RPS6KC1: variants seen among roughly 807,000 people sequenced by gnomAD.
The protein encoded by RPS6KC1 is ribosomal protein S6 kinase C1.
RPS6KC1 carries 54 observed loss-of-function variants against 103.8 expected under a neutral mutation model. The observed-to-expected ratio is 0.52, with a 90% CI of 0.42 to 0.65. The LOEUF is 0.65. RPS6KC1 is among the 30% of genes least tolerant of loss of function. The pLI is 0.00. For missense variants in RPS6KC1, 1,151 were observed against 1,253.8 expected (o/e 0.92, Z 1.24); for synonymous variants, 439 against 438.7 (o/e 1.00, Z -0.01).
chr1:213,592,905 G>C, the RPS6KC1 span, among the ~76,000 whole-genome samples: 1 of 152,176 alleles, frequency 6.6e-6, no homozygotes, highest in Non-Finnish European at 1.5e-5. Flanking sequence ...GATCAACAAA[G>C]TTGTAATAAC....
chr1:213,077,341 A>G (rs1375815963), intron 2 of RPS6KC1, among the ~76,000 whole-genome samples: 1 of 152,210 alleles, frequency 6.6e-6, no homozygotes, highest in Non-Finnish European at 1.5e-5. Context: ...GACATTTTAT[A>G]TAGTATAAAT....
At chr1:213,668,387 C>A in the RPS6KC1 span, among the ~76,000 whole-genome samples, 1 of 132,510 alleles carries the variant, frequency 7.5e-6, no homozygotes, top group Non-Finnish European at 1.7e-5. Flanking sequence ...TCTGAAAGAA[C>A]CTTCCCCCCG....
chr1:213,699,760 TTTG>T, the RPS6KC1 span, among the ~76,000 whole-genome samples: 32 of 152,166 alleles, frequency 2.1e-4, no homozygotes, highest in African/African-American at 7.7e-4. Context: ...TGAGGTGACA[TTTG>T]TTGTAGTTTT....
intron 1 of RPS6KC1, among the ~76,000 whole-genome samples, chr1:213,053,134 T>A (rs1337178996): frequency 6.6e-6 from 1 of 152,142 alleles, no homozygotes; most frequent in Non-Finnish European, 1.5e-5. Flanking sequence ...TCTTGAAACC[T>A]TTCTAGTCAT....
chr1:213,391,824 T>G, the RPS6KC1 span, among the ~76,000 whole-genome samples: 1 of 152,204 alleles, frequency 6.6e-6, no homozygotes, highest in Non-Finnish European at 1.5e-5. Context: ...TCTTTTATCT[T>G]CATTTCTGCT....
At chr1:213,334,920 AGGT>A in the RPS6KC1 span, among the ~76,000 whole-genome samples, 1 of 152,120 alleles carries the variant, frequency 6.6e-6, no homozygotes. Flanking sequence ...TGCACACTGA[AGGT>A]GTTGGATGGA....
At chr1:213,575,323 T>C in the RPS6KC1 span, among the ~76,000 whole-genome samples, 1 of 152,194 alleles carries the variant, frequency 6.6e-6, no homozygotes, top group Non-Finnish European at 1.5e-5. Context: ...GTCCTTGGCA[T>C]CCACCAGGAT....
chr1:213,164,464 C>G (rs2090769885), intron 6 of RPS6KC1, among the ~76,000 whole-genome samples: 1 of 152,248 alleles, frequency 6.6e-6, no homozygotes, highest in East Asian at 1.9e-4. Flanking sequence ...TGAAGAAACA[C>G]AGGTTGTCAC....
chr1:213,497,157 A>T, the RPS6KC1 span, among the ~76,000 whole-genome samples: 1 of 152,246 alleles, frequency 6.6e-6, no homozygotes, highest in African/African-American at 2.4e-5. Context: ...TCATCAAACC[A>T]TAAACATATA....
chr1:213,643,051 A>G, the RPS6KC1 span, among the ~76,000 whole-genome samples: 1 of 151,896 alleles, frequency 6.6e-6, no homozygotes, highest in Non-Finnish European at 1.5e-5. Flanking sequence ...TTTCAAAAAT[A>G]TATTATTTTA....
At chr1:213,802,738 G>A in the RPS6KC1 span, among the ~76,000 whole-genome samples, 1 of 152,206 alleles carries the variant, frequency 6.6e-6, no homozygotes, top group Non-Finnish European at 1.5e-5. Flanking sequence ...TTTAAAAACA[G>A]AATTGACCCT....
At chr1:213,065,861 G>A (rs550759857) in intron 1 of RPS6KC1, among the ~76,000 whole-genome samples, 1 of 152,142 alleles carries the variant, frequency 6.6e-6, no homozygotes, top group African/African-American at 2.4e-5. Context: ...TGAAAATACC[G>A]CAGATAAATA....
chr1:213,330,348 C>A, the RPS6KC1 span, among the ~76,000 whole-genome samples: 1 of 152,162 alleles, frequency 6.6e-6, no homozygotes, highest in African/African-American at 2.4e-5. Context: ...TTGCTGGGTA[C>A]TAGGATATCA....
chr1:213,839,197 G>A, the RPS6KC1 span, among the ~76,000 whole-genome samples: 1 of 152,142 alleles, frequency 6.6e-6, no homozygotes, highest in Non-Finnish European at 1.5e-5. Context: ...CTGTGGAGAA[G>A]GTAAAACCAG....
the RPS6KC1 span, among the ~76,000 whole-genome samples, chr1:213,298,348 A>G: frequency 2.0e-4 from 30 of 152,128 alleles, no homozygotes; most frequent in African/African-American, 7.0e-4. Context: ...ATTATCTTGG[A>G]TTCTATTTCT....
chr1:213,764,281 A>C, the RPS6KC1 span, among the ~76,000 whole-genome samples: 1 of 152,142 alleles, frequency 6.6e-6, no homozygotes, highest in Admixed American at 6.5e-5. Context: ...TGAATCTCCT[A>C]AAGCCAAGAA....
chr1:213,759,196 T>G, the RPS6KC1 span, among the ~76,000 whole-genome samples: 8 of 151,940 alleles, frequency 5.3e-5, no homozygotes, highest in African/African-American at 1.9e-4. Flanking sequence ...AGATTATGAC[T>G]TGCTGAAGAC....
At chr1:213,087,607 C>T (rs920231020) in intron 3 of RPS6KC1, among the ~76,000 whole-genome samples, 2 of 152,222 alleles carry the variant, frequency 1.3e-5, no homozygotes, top group African/African-American at 4.8e-5. Context: ...TGTCTTCCTT[C>T]TTCCAGTATC....
chr1:213,629,671 C>A, the RPS6KC1 span, among the ~76,000 whole-genome samples: 2 of 152,160 alleles, frequency 1.3e-5, no homozygotes, highest in Admixed American at 1.3e-4. Flanking sequence ...GCAGTTTCTT[C>A]CTAGCCTCGA....
Sources: allele counts gnomAD v4.1 joint callset (sites outside exome capture counted in the v4.1 genomes callset), GRCh38; gene constraint gnomAD v4.1.1; transcripts MANE v1.5; gene names NCBI Gene and HGNC (gene_info 2026-07-23, HGNC 2026-07-21).